The following FMNL2 variants were observed in gnomAD, a reference collection of about 807,000 sequenced individuals.
FMNL2 encodes formin-like protein 2.
In FMNL2, 51 loss-of-function variants were observed where a neutral mutation model predicts 130.2. The observed-to-expected ratio is 0.39, with a 90% confidence interval of 0.31 to 0.49. The LOEUF (loss-of-function observed/expected upper bound fraction) is 0.49, where lower values mean the gene tolerates loss of function less well. Among genes scored for constraint, FMNL2 ranks in the 20% least tolerant of loss-of-function variants. The pLI is 0.85. For synonymous variants in FMNL2, 465 were observed against 467.1 expected, an observed-to-expected ratio of 1.00 and a Z score of 0.06; for missense variants, 977 against 1,316.2, an observed-to-expected ratio of 0.74 and a Z score of 3.99.
chr2:152,408,021 C>G (rs544312463), intron 1 of FMNL2, among the ~76,000 whole-genome samples: 27 of 152,284 alleles, frequency 1.8e-4, no homozygotes, highest in Non-Finnish European at 3.4e-4. Flanking sequence ...GGAAAAGTCA[C>G]TCTGCCTTCT....
At chr2:152,437,767 C>G (rs577928459) in intron 1 of FMNL2, among the ~76,000 whole-genome samples, 1 of 152,290 alleles carries the variant, frequency 6.6e-6, no homozygotes, top group South Asian at 2.1e-4. Context: ...AGTAGTCCCC[C>G]TCTTGGGCAG....
chr2:152,536,827 A>G (rs1694017858), intron 2 of FMNL2, among the ~76,000 whole-genome samples: 1 of 152,224 alleles, frequency 6.6e-6, no homozygotes, highest in South Asian at 2.1e-4. Flanking sequence ...ATAAACTGGA[A>G]TGGAATTCTT....
chr2:152,542,201 CAT>C (rs1264994439), intron 2 of FMNL2, among the ~76,000 whole-genome samples: 1 of 152,144 alleles, frequency 6.6e-6, no homozygotes, highest in Non-Finnish European at 1.5e-5. Flanking sequence ...CCCATGCAAA[CAT>C]AACACTCCCA....
At chr2:152,430,502 G>A (rs781145342) in intron 1 of FMNL2, among the ~76,000 whole-genome samples, 42 of 152,204 alleles carry the variant, frequency 2.8e-4, no homozygotes, top group Non-Finnish European at 1.3e-4. Flanking sequence ...CGTTGAAGAC[G>A]TGAACATTGT....
chr2:152,628,626 G>A, intron 18 of FMNL2, 93 bp downstream of exon 18: 1 of 1,062,180 alleles, frequency 9.4e-7, no homozygotes, highest in South Asian at 1.5e-5. Flanking sequence ...TCAGTGTGAT[G>A]GGTTCTAAAG....
In FMNL2 at chr2:152,581,057, A is replaced by C. The variant is rs967360860; in HGVS notation, c.876+8A>C. 6.2e-7 allele frequency: 1 copy of C among 1,611,114 alleles called. No homozygotes were observed. On this transcript the variant is annotated splice_region_variant and intron_variant, in intron 9 of 25. Transcript: ENST00000288670. Reference sequence around the variant, plus strand: ...TTTGATAACTTTAAAGAGGTAGGCTACACTATAGTTTTCATAAGAATACTC... The same window carrying C: ...TTTGATAACTTTAAAGAGGTAGGCTCCACTATAGTTTTCATAAGAATACTC...
chr2:152,403,587 G>T (rs1325720501), intron 1 of FMNL2, among the ~76,000 whole-genome samples: 1 of 151,338 alleles, frequency 6.6e-6, no homozygotes, highest in Non-Finnish European at 1.5e-5. Flanking sequence ...TTCCTTTCTG[G>T]CACTACAGAA....
chr2:152,492,665 A>G (rs1291270377), intron 1 of FMNL2, among the ~76,000 whole-genome samples: 1 of 152,192 alleles, frequency 6.6e-6, no homozygotes, highest in Non-Finnish European at 1.5e-5. Flanking sequence ...GATTCAAACA[A>G]AAAAACTAGC....
At chr2:152,548,086 A>T (rs1694743465) in intron 3 of FMNL2, among the ~76,000 whole-genome samples, 2 of 152,160 alleles carry the variant, frequency 1.3e-5, no homozygotes, top group African/African-American at 4.8e-5. Flanking sequence ...GATTCCTGGA[A>T]GGGTAGGTGG....
At chr2:152,353,265 T>C (rs529758150) in intron 1 of FMNL2, among the ~76,000 whole-genome samples, 58 of 152,356 alleles carry the variant, frequency 3.8e-4, no homozygotes, top group African/African-American at 7.7e-4. Flanking sequence ...TTACTTTGGC[T>C]GAAGGTTATA....
At chr2:152,394,708 C>A (rs1579561859) in intron 1 of FMNL2, among the ~76,000 whole-genome samples, 1 of 114,672 alleles carries the variant, frequency 8.7e-6, no homozygotes, top group African/African-American at 3.2e-5. Context: ...TATTACATAA[C>A]ATTAACTGTT....
intron 1 of FMNL2, among the ~76,000 whole-genome samples, chr2:152,470,200 C>T (rs1467936106): frequency 6.6e-6 from 1 of 152,116 alleles, no homozygotes; most frequent in East Asian, 1.9e-4. Context: ...CTGAATAATG[C>T]AATGTTTACG....
Position 152,352,156 on chromosome 2 carries a change from T to A in FMNL2, c.117+16436T>A, listed in dbSNP as rs1446014406. ...ACAATTCGATATCAGAATAAGTCTT[T>A]AAATACATATTAGTGGCTTTGTTTA... On this transcript the variant is annotated intron_variant, in intron 1 of 25. Transcript: ENST00000288670. Among the ~76,000 whole-genome samples, 14 of 152,344 alleles carry A rather than the reference T, an allele frequency of 9.2e-5. No individual in the cohort carries two copies. In the South Asian group the frequency reaches 2.9e-3, roughly 32 times the overall value.
intron 15 of FMNL2, chr2:152,621,201 G>T: frequency 1.1e-6 from 1 of 923,456 alleles, no homozygotes; most frequent in South Asian, 5.0e-5. Context: ...GTCTGCTGTG[G>T]TATCTCATTT....
intron 15 of FMNL2, among the ~76,000 whole-genome samples, chr2:152,622,250 A>G (rs1479757886): frequency 1.3e-5 from 2 of 152,210 alleles, no homozygotes; most frequent in Non-Finnish European, 2.9e-5. Flanking sequence ...TGTAAAAATT[A>G]TTCCTATCCT....
intron 3 of FMNL2, among the ~76,000 whole-genome samples, chr2:152,545,763 T>C (rs1694597435): frequency 2.0e-5 from 3 of 152,208 alleles, no homozygotes; most frequent in Admixed American, 1.3e-4. Context: ...TTTCTTTTCA[T>C]AGTGTTTTGC....
intron 1 of FMNL2, among the ~76,000 whole-genome samples, chr2:152,442,192 C>G (rs531329092): frequency 6.6e-6 from 1 of 152,076 alleles, no homozygotes; most frequent in South Asian, 2.1e-4. Context: ...TGAATGTTAT[C>G]AGTTCCCTTA....
intron 1 of FMNL2, among the ~76,000 whole-genome samples, chr2:152,366,038 A>G (rs1392713844): frequency 6.6e-6 from 1 of 152,112 alleles, no homozygotes; most frequent in Non-Finnish European, 1.5e-5. Context: ...GAAGTCATGG[A>G]TCCCAGGTTT....
At chr2:152,369,817 A>G (rs2105853441) in intron 1 of FMNL2, among the ~76,000 whole-genome samples, 1 of 152,304 alleles carries the variant, frequency 6.6e-6, no homozygotes, top group South Asian at 2.1e-4. Context: ...CTTTCTTTTT[A>G]ACATGGGGAA....
Sources: allele counts gnomAD v4.1 joint callset (sites outside exome capture counted in the v4.1 genomes callset), GRCh38; gene constraint gnomAD v4.1.1; transcripts MANE v1.5; gene names NCBI Gene and HGNC (gene_info 2026-07-23, HGNC 2026-07-21).